LVRN: variants seen among roughly 807,000 people sequenced by gnomAD.
LVRN encodes aminopeptidase Q.
In LVRN, 99 loss-of-function variants were observed where a neutral mutation model predicts 111.4. The observed-to-expected ratio is 0.89, with a 90% CI of 0.76 to 1.05. The LOEUF (loss-of-function observed/expected upper bound fraction) is 1.05. LVRN is among the 50% of genes least tolerant of loss of function. LVRN has a pLI of 0.00. For synonymous variants in LVRN, 488 were observed against 449.5 expected, an observed-to-expected ratio of 1.09 and a Z score of -1.08; for missense variants, 1,414 against 1,206.8, an observed-to-expected ratio of 1.17 and a Z score of -2.54.
rs375318540 is a variant in LVRN, at chr5:116,001,034, C to G, written c.1648-33C>G. 56 of 1,565,976 alleles carry G rather than the reference C, an allele frequency of 3.6e-5. No individual in the cohort carries two copies. In the African/African-American group the frequency reaches 6.7e-4, roughly 19 times the overall value. On this transcript the variant is annotated intron_variant, in intron 9 of 19. Transcript: ENST00000357872. Reference sequence around the variant, plus strand: ...TACTTCAAAATGTTTCACGGATAACCTTACCTGCCTTTGTGGTGATTTTTT... The same window carrying G: ...TACTTCAAAATGTTTCACGGATAACGTTACCTGCCTTTGTGGTGATTTTTT...
At chr5:115,968,149 A>T (rs1033549592) in intron 1 of LVRN, among the ~76,000 whole-genome samples, 4 of 152,162 alleles carry the variant, frequency 2.6e-5, no homozygotes, top group Non-Finnish European at 4.4e-5. Flanking sequence ...AAGAATGAAC[A>T]TTCTTGCTTT....
chr5:116,007,899 A>G (rs1230795763), intron 13 of LVRN, among the ~76,000 whole-genome samples: 2 of 152,180 alleles, frequency 1.3e-5, no homozygotes, highest in African/African-American at 4.8e-5. Context: ...TGATGATGTT[A>G]TGACTGTAAT....
chr5:115,967,145 G>A (rs1002220740), intron 1 of LVRN, among the ~76,000 whole-genome samples: 1 of 152,086 alleles, frequency 6.6e-6, no homozygotes, highest in Non-Finnish European at 1.5e-5. Flanking sequence ...TTAAATAAAA[G>A]TTTTACTTTA....
Position 115,992,179 on chromosome 5 carries a change from A to G in LVRN, c.1162A>G (p.Ile388Val). 6.2e-7 allele frequency: 1 copy of G among 1,613,958 alleles called. No individual in the cohort carries two copies. The highest frequency in any genetic ancestry group is 8.5e-7 in the Non-Finnish European group (1 of 1,179,880). Residue 388 changes from isoleucine to valine, a missense_variant, in exon 5 of 20, where the codon ATA becomes GTA. Transcript: ENST00000357872. ...NHAMENWGLM[I>V]FDESGLLLEP... The stretch of plus-strand genomic sequence containing the variant: ...TGCAATGGAAAACTGGGGACTAATG[A>G]TATTTGATGAATCAGGATTGTTGTT...
In LVRN at chr5:116,001,195, A is replaced by G; in HGVS notation, c.1776A>G (p.Pro592=). 1 of 1,613,970 alleles carries G rather than the reference A, an allele frequency of 6.2e-7. No individual in the cohort carries two copies. Among genetic ancestry groups the G allele is most frequent in the Middle Eastern group, 1.6e-4 (1 of 6,062 alleles). ...CTACTGGCGTCATGAAACAGGAGCCATTTTATCTTGAAAACATTAAAAATC... is the reference window on the plus strand; with the variant it reads ...CTACTGGCGTCATGAAACAGGAGCCGTTTTATCTTGAAAACATTAAAAATC... The part of the protein sequence containing the change: ...NVSTGVMKQE[P]FYLENIKNRT... Residue 592 remains proline, a synonymous_variant, in exon 10 of 20, where the codon CCA becomes CCG. Transcript: ENST00000357872.
chr5:115,977,505 A>G (rs928070205), intron 1 of LVRN, among the ~76,000 whole-genome samples: 4 of 152,350 alleles, frequency 2.6e-5, no homozygotes, highest in South Asian at 4.1e-4. Context: ...ATTTGAGCCT[A>G]TGTTACTCCC....
chr5:115,987,977 T>A (rs1271480981), intron 4 of LVRN, 38 bp downstream of exon 4: 1 of 1,593,464 alleles, frequency 6.3e-7, no homozygotes, highest in Admixed American at 1.8e-5. Context: ...TTTGGTTTCC[T>A]GTTATTTGGG....
chr5:115,994,541 G>T (rs1410894834), intron 6 of LVRN, among the ~76,000 whole-genome samples: 1 of 152,180 alleles, frequency 6.6e-6, no homozygotes, highest in African/African-American at 2.4e-5. Context: ...CCAAAGTGCT[G>T]GGATTACAGG....
At chr5:115,973,270 C>T (rs568177680) in intron 1 of LVRN, among the ~76,000 whole-genome samples, 33 of 152,166 alleles carry the variant, frequency 2.2e-4, no homozygotes, top group Non-Finnish European at 8.8e-5. Context: ...GTTCTTGATG[C>T]ATTAGCCTTT....
intron 3 of LVRN, among the ~76,000 whole-genome samples, chr5:115,987,207 G>A (rs141484551): frequency 2.6e-3 from 390 of 152,230 alleles, no homozygotes; most frequent in African/African-American, 9.0e-3. Context: ...TAAAGTGGAA[G>A]TGTCATTTGG....
At position 116,011,150 on chromosome 5, in the gene LVRN, A is replaced by G. The variant is rs1279401925; in HGVS notation, c.2247+256A>G. 6.0e-5 allele frequency among the ~76,000 whole-genome samples: 9 copies of G among 151,076 alleles called. No individual in the cohort carries two copies. In the South Asian group the frequency reaches 1.3e-3, roughly 21 times the overall value. On this transcript the variant is annotated intron_variant, in intron 14 of 19. Coordinates refer to ENST00000357872, the MANE Select transcript of LVRN (RefSeq NM_173800.5). The stretch of plus-strand genomic sequence containing the variant: ...ACTTCATTCTTGGTGAAGTGACAGT[A>G]TGTCCTAAGAAACCAGAAGTGGATG...
intron 15 of LVRN, 55 bp from the exon 16 acceptor site, chr5:116,014,365 G>A: frequency 8.1e-7 from 1 of 1,230,760 alleles, no homozygotes; most frequent in South Asian, 1.3e-5. Flanking sequence ...TGGAGGCAGA[G>A]AAAATGAAGG....
At chr5:115,994,274 C>T (rs898645257) in intron 6 of LVRN, among the ~76,000 whole-genome samples, 34 of 151,988 alleles carry the variant, frequency 2.2e-4, no homozygotes, top group African/African-American at 8.0e-4. Flanking sequence ...CTAGGTCTTG[C>T]TCTGTCACCT....
At position 115,992,244 on chromosome 5, in the gene LVRN, C is replaced by G; in HGVS notation, c.1227C>G (p.Ile409Met). ...AACTGACAGAAAAAAAGACTCTGAT[C>G]TCCTATGTTGTCTCCCACGAGATTG... The part of the protein sequence containing the change: ...KDQLTEKKTL[I>M]SYVVSHEIGH... Residue 409 changes from isoleucine (I) to methionine (M), a missense_variant, in exon 5 of 20, where the codon ATC (isoleucine) becomes ATG (methionine). Coordinates refer to ENST00000357872, the MANE Select transcript of LVRN (RefSeq NM_173800.5). 1 of 1,613,936 alleles carries G rather than the reference C, an allele frequency of 6.2e-7. No homozygotes were observed. The highest frequency in any genetic ancestry group is 8.5e-7 in the Non-Finnish European group (1 of 1,179,914).
intron 1 of LVRN, among the ~76,000 whole-genome samples, chr5:115,982,865 A>G (rs747895557): frequency 1.4e-5 from 2 of 148,136 alleles, no homozygotes; most frequent in Admixed American, 6.8e-5. Flanking sequence ...TGTGAGAAAA[A>G]GAAAAAAAAT....
In LVRN at chr5:116,008,665, T is replaced by C. The variant is rs183947294; in HGVS notation, c.2094-2076T>C. Among the ~76,000 whole-genome samples the C allele has an allele frequency of 8.3e-4, 125 of 150,520 alleles. 1 individual carries two copies. The highest frequency in any genetic ancestry group is 2.9e-3 in the African/African-American group (120 of 41,082). On this transcript the variant is annotated intron_variant, in intron 13 of 19. Coordinates refer to ENST00000357872, the MANE Select transcript of LVRN (RefSeq NM_173800.5). ...ATGGAGAAAGTTTCATTGATTAGGA[T>C]AAAAGATCAAACCAGCCACAATATT...
Position 116,000,049 on chromosome 5 carries a change from A to T in LVRN, c.1515+147A>T, listed in dbSNP as rs1301657210. On this transcript the variant is annotated intron_variant, in intron 7 of 19. Transcript: ENST00000357872. ...ATTCAATACATAGGTATCAGAAAACATGATTAAATTAATTCTCACCTTGCA... is the reference window on the plus strand; with the variant it reads ...ATTCAATACATAGGTATCAGAAAACTTGATTAAATTAATTCTCACCTTGCA... 6.4e-6 allele frequency: 6 copies of T among 935,332 alleles called. No individual in the cohort carries two copies. The East Asian group carries it at 1.1e-4, about 17-fold the overall frequency. The allele number at this position is 935,332 out of a possible 1,614,324, so 57.9% of individuals were successfully genotyped here. A position where few individuals can be genotyped will look rare whatever the true frequency, so the allele number is the denominator to read the frequency against.
At chr5:115,995,767 T>C (rs1055753483) in intron 6 of LVRN, among the ~76,000 whole-genome samples, 1 of 152,250 alleles carries the variant, frequency 6.6e-6, no homozygotes, top group African/African-American at 2.4e-5. Context: ...GTTATTTCTA[T>C]TTTACATGTG....
intron 12 of LVRN, among the ~76,000 whole-genome samples, chr5:116,005,315 C>G (rs1190944026): frequency 6.6e-6 from 1 of 152,210 alleles, no homozygotes; most frequent in Non-Finnish European, 1.5e-5. Flanking sequence ...CCCTTAGGGA[C>G]TGAGCTGACA....
Sources: allele counts gnomAD v4.1 joint callset (sites outside exome capture counted in the v4.1 genomes callset), GRCh38; gene constraint gnomAD v4.1.1; transcripts MANE v1.5; gene names NCBI Gene and HGNC (gene_info 2026-07-23, HGNC 2026-07-21).